CEP120: variants seen among roughly 807,000 people sequenced by gnomAD.
The protein encoded by CEP120 is centrosomal protein of 120 kDa.
CEP120 carries 113 observed loss-of-function variants against 126.5 expected under a neutral mutation model. The observed-to-expected ratio is 0.89, with a 90% CI of 0.77 to 1.04. CEP120 has a LOEUF of 1.04. Ranked by LOEUF, CEP120 falls within the 50% of genes least tolerant of loss-of-function variation. The pLI is 0.00. For missense variants in CEP120, 1,230 were observed against 1,155.7 expected (o/e 1.06, Z -0.93); for synonymous variants, 400 against 394.3 (o/e 1.01, Z -0.17).
intron 11 of CEP120, among the ~76,000 whole-genome samples, chr5:123,383,804 C>G (rs1771831511): frequency 6.6e-6 from 1 of 151,926 alleles, no homozygotes; most frequent in African/African-American, 2.4e-5. Context: ...CAAATGAGAA[C>G]AAGATAAAAT....
chr5:123,388,056 T>C (rs886697665), intron 9 of CEP120, among the ~76,000 whole-genome samples: 2 of 47,870 alleles, frequency 4.2e-5, no homozygotes, highest in Non-Finnish European at 9.0e-5. Flanking sequence ...TATTACTTTT[T>C]TTTGACCATT....
intron 17 of CEP120, among the ~76,000 whole-genome samples, chr5:123,369,246 A>G (rs1770685549): frequency 6.6e-6 from 1 of 152,008 alleles, no homozygotes; most frequent in Non-Finnish European, 1.5e-5. Context: ...ATACAATTTA[A>G]GTAAAACAAT....
At chr5:123,410,382 T>A (rs1179494090) in intron 4 of CEP120, among the ~76,000 whole-genome samples, 1 of 152,174 alleles carries the variant, frequency 6.6e-6, no homozygotes, top group Non-Finnish European at 1.5e-5. Flanking sequence ...GAACAGCCAA[T>A]TCAATATTGA....
chr5:123,348,754 A>C (rs924598377), intron 19 of CEP120, among the ~76,000 whole-genome samples: 1 of 152,176 alleles, frequency 6.6e-6, no homozygotes, highest in Admixed American at 6.5e-5. Flanking sequence ...TGGTATTTGG[A>C]AATGGACCTT....
chr5:123,353,696 G>C lies in CEP120; in HGVS notation c.2581-3607C>G, dbSNP rs184441139. ...AGCTATAAGACTATTTCTATTTTCT[G>C]TTTCTTGGTGTATCAGTTTTGGAAG... On this transcript the variant is annotated intron_variant, in intron 18 of 19. Transcript: ENST00000306467. 3.7e-3 allele frequency among the ~76,000 whole-genome samples: 554 copies of C among 151,760 alleles called. 5 individuals are homozygous for C. Among genetic ancestry groups the C allele is most frequent in the South Asian group, 0.011 (51 of 4,786 alleles).
At chr5:123,406,464 C>A (rs775176043) in intron 4 of CEP120, among the ~76,000 whole-genome samples, 10 of 134,492 alleles carry the variant, frequency 7.4e-5, no homozygotes, top group Admixed American at 3.0e-4. Flanking sequence ...AGAAAAAATA[C>A]TGAAAGAAGC....
At chr5:123,374,562 C>T (rs1771073973) in intron 16 of CEP120, among the ~76,000 whole-genome samples, 1 of 151,910 alleles carries the variant, frequency 6.6e-6, no homozygotes, top group Non-Finnish European at 1.5e-5. Flanking sequence ...ATTATATAAA[C>T]CAATTGTCTC....
At chr5:123,401,430 T>A in intron 4 of CEP120, 2 of 1,378,688 alleles carry the variant, frequency 1.5e-6, no homozygotes, top group South Asian at 2.3e-5. Flanking sequence ...GAGATCTTAG[T>A]CTTTGTGCAC....
At chr5:123,351,322 T>C (rs1769184443) in intron 18 of CEP120, among the ~76,000 whole-genome samples, 1 of 152,174 alleles carries the variant, frequency 6.6e-6, no homozygotes, top group African/African-American at 2.4e-5. Context: ...TTTAACATTG[T>C]TTTTGAGACT....
intron 17 of CEP120, among the ~76,000 whole-genome samples, chr5:123,372,272 A>G (rs537623414): frequency 8.5e-5 from 13 of 152,232 alleles, no homozygotes; most frequent in African/African-American, 2.6e-4. Flanking sequence ...ATCCAGTGAC[A>G]TGGCAGTGAC....
At chr5:123,414,738 C>G (rs1416875881) in intron 3 of CEP120, among the ~76,000 whole-genome samples, 2 of 151,608 alleles carry the variant, frequency 1.3e-5, no homozygotes, top group Non-Finnish European at 2.9e-5. Flanking sequence ...AGGCCAAGGC[C>G]GGTGGTTCAT....
chr5:123,422,538 G>A, intron 1 of CEP120: 5 of 1,535,496 alleles, frequency 3.3e-6, no homozygotes, highest in African/African-American at 1.4e-5. Flanking sequence ...ACGTGTAAAG[G>A]GAATTGCCTC....
chr5:123,401,570 C>T (rs1422018408), intron 4 of CEP120: 7 of 1,372,576 alleles, frequency 5.1e-6, no homozygotes, highest in Non-Finnish European at 7.2e-6. Context: ...AGCGATGACG[C>T]TGTTCATGTC....
chr5:123,375,179 C>T (rs990436336), intron 16 of CEP120, among the ~76,000 whole-genome samples: 1 of 152,070 alleles, frequency 6.6e-6, no homozygotes, highest in Non-Finnish European at 1.5e-5. Flanking sequence ...CTTCCTACCC[C>T]CTTTTTTTCC....
At chr5:123,416,285 A>T (rs2127136371) in intron 2 of CEP120, among the ~76,000 whole-genome samples, 161 bp from the exon 3 acceptor site, 1 of 152,242 alleles carries the variant, frequency 6.6e-6, no homozygotes, top group South Asian at 2.1e-4. Flanking sequence ...GAACTAGGCC[A>T]GGCGCAATGG....
intron 5 of CEP120, among the ~76,000 whole-genome samples, chr5:123,394,234 C>T (rs960384225): frequency 1.3e-5 from 2 of 152,108 alleles, no homozygotes; most frequent in Non-Finnish European, 2.9e-5. Context: ...AACACATTAA[C>T]ATGAAAGTTA....
intron 1 of CEP120, among the ~76,000 whole-genome samples, chr5:123,419,868 C>G (rs7706662): frequency 6.6e-6 from 1 of 151,928 alleles, no homozygotes; most frequent in African/African-American, 2.4e-5. Flanking sequence ...AGAACATCAA[C>G]GAAGAAGCAC....
At chr5:123,423,833 G>C (rs1038840783), upstream of CEP120, among the ~76,000 whole-genome samples, 6 of 152,042 alleles carry the variant, frequency 3.9e-5, no homozygotes, top group African/African-American at 9.7e-5. Context: ...TCCGACCTTT[G>C]AAAACAAGTA....
chr5:123,397,743 A>G (rs966048308), intron 5 of CEP120, among the ~76,000 whole-genome samples: 2 of 152,200 alleles, frequency 1.3e-5, no homozygotes, highest in African/African-American at 2.4e-5. Flanking sequence ...CACTAATTGC[A>G]AATTTCATTT....
Sources: gnomAD v4.1 joint callset for allele counts (sites outside exome capture counted in the v4.1 genomes callset) on GRCh38, gnomAD v4.1.1 for gene constraint, MANE v1.5 for transcripts, NCBI Gene and HGNC (gene_info 2026-07-23, HGNC 2026-07-21) for gene names.